The following RBFOX1 variants were observed in gnomAD, a reference collection of about 807,000 sequenced individuals.
RBFOX1 encodes RNA binding fox-1 homolog 1.
Under a neutral mutation model 57.7 loss-of-function variants are expected in RBFOX1, and 8 were observed. The observed-to-expected ratio is 0.14, with a 90% CI of 0.08 to 0.25. The LOEUF (loss-of-function observed/expected upper bound fraction) is 0.25. RBFOX1 is among the 10% of genes least tolerant of loss of function. The pLI, the probability that RBFOX1 is intolerant of heterozygous loss-of-function variation, is 1.00. For synonymous variants in RBFOX1, 326 were observed against 222.4 expected, an observed-to-expected ratio of 1.47 and a Z score of -4.15; for missense variants, 611 against 548.5, an observed-to-expected ratio of 1.11 and a Z score of -1.14.
chr16:5,401,973 GAC>G (rs75581919), intron 1 of RBFOX1, among the ~76,000 whole-genome samples: 20,049 of 152,156 alleles, frequency 0.13, 1,524 homozygotes, highest in Non-Finnish European at 0.16. Flanking sequence ...GGAAACAAAA[GAC>G]ACACAATGAA....
In RBFOX1 at chr16:5,413,425, T is replaced by C. The variant is rs1421269156; in HGVS notation, c.220-53791T>C. The stretch of plus-strand genomic sequence containing the variant: ...ATCCAATACATATCCGTGGTATCCA[T>C]GTAGCTATTTAAATTCAAATAATTA... On this transcript the variant is annotated intron_variant, in intron 1 of 2. Coordinates refer to the RBFOX1 transcript ENST00000585867. Among the ~76,000 whole-genome samples the C allele has an allele frequency of 6.6e-5, 10 of 152,346 alleles. No individual in the cohort carries two copies. In the East Asian group the frequency reaches 1.7e-3, roughly 27 times the overall value.
intron 3 of RBFOX1, among the ~76,000 whole-genome samples, chr16:5,703,052 C>T (rs776792432): frequency 1.3e-5 from 2 of 152,062 alleles, no homozygotes; most frequent in Non-Finnish European, 2.9e-5. Context: ...GTCCTGTGTG[C>T]TGGAGTTGAT....
chr16:5,903,882 G>T (rs1326049599), intron 4 of RBFOX1, among the ~76,000 whole-genome samples: 1 of 152,146 alleles, frequency 6.6e-6, no homozygotes, highest in African/African-American at 2.4e-5. Context: ...TGCAAGCCCT[G>T]CATGTGCTCA....
intron 4 of RBFOX1, among the ~76,000 whole-genome samples, chr16:6,013,503 T>G (rs2094974278): frequency 6.6e-6 from 1 of 152,158 alleles, no homozygotes; most frequent in South Asian, 2.1e-4. Context: ...ATTCTAAGCC[T>G]GGCTACATGG....
At chr16:6,212,578 G>A (rs1394726705) in intron 1 of RBFOX1, among the ~76,000 whole-genome samples, 1 of 152,004 alleles carries the variant, frequency 6.6e-6, no homozygotes, top group Non-Finnish European at 1.5e-5. Flanking sequence ...ATGGTGGTGG[G>A]CGCCTGTAGT....
At chr16:5,864,119 C>G (rs185619418) in intron 3 of RBFOX1, among the ~76,000 whole-genome samples, 42 of 152,242 alleles carry the variant, frequency 2.8e-4, no homozygotes, top group Admixed American at 1.4e-3. Flanking sequence ...GTGCTCTCAT[C>G]ATTTAGCTCC....
intron 3 of RBFOX1, among the ~76,000 whole-genome samples, chr16:5,753,585 G>T (rs1567494263): frequency 6.6e-6 from 1 of 152,284 alleles, no homozygotes; most frequent in South Asian, 2.1e-4. Context: ...GCTGGCGAGA[G>T]CCGATTGTGA....
At chr16:5,921,802 T>G (rs1219682436) in intron 4 of RBFOX1, among the ~76,000 whole-genome samples, 2 of 151,770 alleles carry the variant, frequency 1.3e-5, no homozygotes, top group Non-Finnish European at 2.9e-5. Flanking sequence ...GTGCATGACA[T>G]GGCGTGAGAG....
intron 3 of RBFOX1, among the ~76,000 whole-genome samples, chr16:6,850,384 GGT>G (rs1392346678): frequency 2.6e-5 from 4 of 152,174 alleles, no homozygotes; most frequent in Non-Finnish European, 5.9e-5. Context: ...TACTTAGGTA[GGT>G]TGGTCCTGGA....
At chr16:6,407,205 ATATT>A (rs1293636679) in intron 2 of RBFOX1, among the ~76,000 whole-genome samples, 1 of 152,104 alleles carries the variant, frequency 6.6e-6, no homozygotes, top group African/African-American at 2.4e-5. Flanking sequence ...ATCTATAACT[ATATT>A]TATATACCTA....
intron 4 of RBFOX1, among the ~76,000 whole-genome samples, chr16:5,870,330 T>C (rs960979653): frequency 2.9e-5 from 4 of 136,936 alleles, no homozygotes; most frequent in African/African-American, 1.1e-4. Flanking sequence ...GATAGAGCTC[T>C]ACAATGAAAA....
chr16:6,981,305 C>A (rs188292802), intron 3 of RBFOX1, among the ~76,000 whole-genome samples: 1 of 151,814 alleles, frequency 6.6e-6, no homozygotes, highest in Non-Finnish European at 1.5e-5. Context: ...GTGTTTTGTC[C>A]CCCTCTATGT....
intron 10 of RBFOX1, among the ~76,000 whole-genome samples, chr16:7,628,943 A>G (rs1021855024): frequency 6.6e-6 from 1 of 152,166 alleles, no homozygotes; most frequent in Admixed American, 6.5e-5. Context: ...AGAAGAAAGA[A>G]CTATTAGTTT....
intron 3 of RBFOX1, among the ~76,000 whole-genome samples, chr16:6,794,450 G>C (rs762766599): frequency 7.2e-5 from 11 of 152,000 alleles, no homozygotes; most frequent in Non-Finnish European, 1.6e-4. Context: ...AGGATGCAGG[G>C]GGAGGGATGG....
At chr16:5,829,891 T>C (rs1369528289) in intron 3 of RBFOX1, among the ~76,000 whole-genome samples, 2 of 150,882 alleles carry the variant, frequency 1.3e-5, no homozygotes, top group African/African-American at 4.9e-5. Context: ...AGGCCTTTGG[T>C]TTTTTTTTCC....
At chr16:5,505,311 A>T (rs2043343131) in intron 2 of RBFOX1, among the ~76,000 whole-genome samples, 1 of 152,130 alleles carries the variant, frequency 6.6e-6, no homozygotes. Context: ...ATTGAACCAA[A>T]GCCTGCATTT....
At chr16:6,525,320 G>A (rs2096563569) in intron 2 of RBFOX1, among the ~76,000 whole-genome samples, 1 of 152,174 alleles carries the variant, frequency 6.6e-6, no homozygotes, top group Non-Finnish European at 1.5e-5. Flanking sequence ...GTTAGAGTTT[G>A]GAGAAGTGCT....
intron 4 of RBFOX1, among the ~76,000 whole-genome samples, chr16:7,118,355 T>TTC (rs879572171): frequency 6.6e-6 from 1 of 152,118 alleles, no homozygotes; most frequent in Non-Finnish European, 1.5e-5. Context: ...AGCATTTTTT[T>TTC]CATGTTTCTT....
chr16:7,239,675 G>A (rs2093956892), intron 4 of RBFOX1, among the ~76,000 whole-genome samples: 1 of 152,128 alleles, frequency 6.6e-6, no homozygotes, highest in African/African-American at 2.4e-5. Flanking sequence ...TCTTATATTA[G>A]ATGATTATTT....
Sources: gnomAD v4.1 joint callset for allele counts (sites outside exome capture counted in the v4.1 genomes callset) on GRCh38, gnomAD v4.1.1 for gene constraint, MANE v1.5 for transcripts, NCBI Gene and HGNC (gene_info 2026-07-23, HGNC 2026-07-21) for gene names.